Variants in NALCN observed in about 807,000 individuals in gnomAD.
NALCN encodes sodium leak channel NALCN.
NALCN carries 111 observed loss-of-function variants against 225.3 expected under a neutral mutation model. The observed-to-expected ratio is 0.49, with a 90% confidence interval of 0.42 to 0.58. The LOEUF is 0.58. Ranked by LOEUF, NALCN falls within the 20% of genes least tolerant of loss-of-function variation. NALCN has a pLI of 0.00. For missense variants in NALCN, 1,378 were observed against 2,202.4 expected (o/e 0.63, Z 7.49); for synonymous variants, 764 against 769.0 (o/e 0.99, Z 0.11).
chr13:101,360,689 T>C (rs186483139), intron 6 of NALCN, among the ~76,000 whole-genome samples: 26 of 152,230 alleles, frequency 1.7e-4, no homozygotes, highest in African/African-American at 6.0e-4. Context: ...CCCAATTCAA[T>C]CTCTAGAAAT....
intron 6 of NALCN, among the ~76,000 whole-genome samples, chr13:101,369,896 C>T (rs867016620): frequency 2.4e-4 from 36 of 152,300 alleles, no homozygotes; most frequent in Non-Finnish European, 2.5e-4. Context: ...AATTTTCTTA[C>T]TCCGTATATG....
Position 101,110,801 on chromosome 13 carries a change from C to G in NALCN, c.2295-113G>C, listed in dbSNP as rs555425344. The G allele has an allele frequency of 8.5e-5, 88 of 1,033,144 alleles. No individual in the cohort carries two copies. In the Admixed American group the frequency reaches 8.8e-4, roughly 10 times the overall value. 64.0% of individuals were successfully genotyped at this position (1,033,144 alleles called of 1,614,324 possible). A position where few individuals can be genotyped will look rare whatever the true frequency, so the allele number is the denominator to read the frequency against. ...TTTTTCTGCTACAACGCCACAAATG[C>G]CTATGATTTCTTTTCATAGCAGAAG... On this transcript the variant is annotated intron_variant, in intron 19 of 43. Transcript: ENST00000251127.
intron 15 of NALCN, among the ~76,000 whole-genome samples, chr13:101,159,977 C>T (rs781374894): frequency 1.2e-4 from 13 of 112,860 alleles, no homozygotes; most frequent in South Asian, 3.1e-4. Flanking sequence ...TATTTTGAGA[C>T]GGAGTCTCAT....
At chr13:101,346,632 A>T (rs1332588014) in intron 6 of NALCN, among the ~76,000 whole-genome samples, 1 of 152,080 alleles carries the variant, frequency 6.6e-6, no homozygotes, top group African/African-American at 2.4e-5. Context: ...CTTTAGGTGG[A>T]TAATGACATA....
intron 10 of NALCN, among the ~76,000 whole-genome samples, chr13:101,268,005 C>T (rs529016599): frequency 6.6e-6 from 1 of 152,310 alleles, no homozygotes; most frequent in African/African-American, 2.4e-5. Context: ...GGAAGTGATG[C>T]ATCACTTTGG....
intron 7 of NALCN, among the ~76,000 whole-genome samples, chr13:101,301,442 G>A (rs1217514427): frequency 6.6e-6 from 1 of 152,178 alleles, no homozygotes; most frequent in Non-Finnish European, 1.5e-5. Context: ...GAAAAGAAAG[G>A]CCGGGCGCAG....
Position 101,387,057 on chromosome 13 carries a change from T to C in NALCN, c.291+8126A>G, listed in dbSNP as rs575372756. Among the ~76,000 whole-genome samples the C allele has an allele frequency of 3.2e-3, 479 of 150,740 alleles. 1 individual carries two copies. The highest frequency in any genetic ancestry group is 0.011 in the African/African-American group (461 of 41,018). On this transcript the variant is annotated intron_variant, in intron 3 of 43. Coordinates refer to ENST00000251127, the MANE Select transcript of NALCN (RefSeq NM_052867.4). ...TAACAAGGTGAAACCCCGTCTCTACTAAAAATACAAAAAATTAGCCGGGCG... is the reference window on the plus strand; with the variant it reads ...TAACAAGGTGAAACCCCGTCTCTACCAAAAATACAAAAAATTAGCCGGGCG...
intron 15 of NALCN, among the ~76,000 whole-genome samples, chr13:101,159,521 A>G (rs1049265926): frequency 9.2e-5 from 14 of 152,194 alleles, no homozygotes; most frequent in African/African-American, 3.4e-4. Context: ...ACATATTAGA[A>G]CTACGTATAT....
chr13:101,093,753 G>C (rs1427933300), intron 28 of NALCN, among the ~76,000 whole-genome samples: 1 of 152,150 alleles, frequency 6.6e-6, no homozygotes, highest in Non-Finnish European at 1.5e-5. Context: ...TTCTTGGGGA[G>C]GTCCCAGAGC....
intron 9 of NALCN, among the ~76,000 whole-genome samples, chr13:101,289,491 T>C (rs9557604): frequency 0.037 from 5,589 of 150,994 alleles, 244 homozygotes; most frequent in East Asian, 0.2. Flanking sequence ...CTGCCTAATA[T>C]AACAGAAAGC....
chr13:101,410,902 A>G (rs1271951191), intron 1 of NALCN, among the ~76,000 whole-genome samples: 5 of 152,158 alleles, frequency 3.3e-5, no homozygotes, highest in Non-Finnish European at 7.3e-5. Flanking sequence ...CATCACTAAG[A>G]CGTGGTAGCA....
At chr13:101,233,270 T>C (rs552606645) in intron 12 of NALCN, among the ~76,000 whole-genome samples, 1 of 152,330 alleles carries the variant, frequency 6.6e-6, no homozygotes, top group South Asian at 2.1e-4. Flanking sequence ...CTCTGTTGAT[T>C]TGTAGTGAGA....
intron 10 of NALCN, among the ~76,000 whole-genome samples, chr13:101,263,337 T>C (rs527452316): frequency 6.6e-6 from 1 of 152,372 alleles, no homozygotes; most frequent in East Asian, 1.9e-4. Flanking sequence ...CACATTTCTA[T>C]GCTCATTAAA....
At chr13:101,306,596 C>T (rs2044160329) in intron 7 of NALCN, among the ~76,000 whole-genome samples, 1 of 152,164 alleles carries the variant, frequency 6.6e-6, no homozygotes, top group South Asian at 2.1e-4. Flanking sequence ...ATGGCATTTG[C>T]AGGAGGTGGG....
intron 11 of NALCN, among the ~76,000 whole-genome samples, chr13:101,247,769 C>CCA (rs1163345375): frequency 6.6e-6 from 1 of 152,048 alleles, no homozygotes; most frequent in African/African-American, 2.4e-5. Flanking sequence ...GTATTAAGCC[C>CCA]CACATGCATT....
intron 13 of NALCN, among the ~76,000 whole-genome samples, chr13:101,204,820 G>A (rs1021884219): frequency 3.3e-5 from 5 of 152,126 alleles, no homozygotes; most frequent in African/African-American, 1.2e-4. Context: ...CAGCTAAGAT[G>A]AAATGATATG....
intron 13 of NALCN, among the ~76,000 whole-genome samples, chr13:101,203,903 T>C (rs1178902556): frequency 6.6e-6 from 1 of 152,220 alleles, no homozygotes; most frequent in Non-Finnish European, 1.5e-5. Context: ...TGCTGTCAAC[T>C]CATCAGGGTC....
At chr13:101,360,589 T>C (rs529022853) in intron 6 of NALCN, among the ~76,000 whole-genome samples, 100 of 152,266 alleles carry the variant, frequency 6.6e-4, no homozygotes, top group African/African-American at 2.4e-3. Flanking sequence ...TCCCCAATGA[T>C]GTGAACACGA....
chr13:101,326,523 G>C (rs1431441452), intron 7 of NALCN, among the ~76,000 whole-genome samples: 2 of 152,092 alleles, frequency 1.3e-5, no homozygotes, highest in African/African-American at 4.8e-5. Flanking sequence ...ATTAGTTTTT[G>C]GAAAATACAG....
Sources: gnomAD v4.1 joint callset for allele counts (sites outside exome capture counted in the v4.1 genomes callset) on GRCh38, gnomAD v4.1.1 for gene constraint, MANE v1.5 for transcripts, NCBI Gene and HGNC (gene_info 2026-07-23, HGNC 2026-07-21) for gene names.